Variants in CAMSAP3 observed in about 807,000 individuals in gnomAD.
The protein encoded by CAMSAP3 is calmodulin regulated spectrin associated protein family member 3, also known as calmodulin-regulated spectrin-associated protein 3.
CAMSAP3 carries 34 observed loss-of-function variants against 112.5 expected under a neutral mutation model. That is an observed-to-expected ratio of 0.30 (90% confidence interval 0.23 to 0.40). CAMSAP3 has a LOEUF of 0.40. Among genes scored for constraint, CAMSAP3 ranks in the 10% least tolerant of loss-of-function variants. The pLI, the probability that CAMSAP3 is intolerant of heterozygous loss-of-function variation, is 1.00. For missense variants in CAMSAP3, 1,602 were observed against 1,770.3 expected, an observed-to-expected ratio of 0.90 and a Z score of 1.71; for synonymous variants, 868 against 799.8, an observed-to-expected ratio of 1.09 and a Z score of -1.44.
rs1457310427 is a variant in CAMSAP3 at position 7,595,886 on chromosome 19, G to A, written c.-117G>A. On this transcript the variant is annotated 5_prime_UTR_variant, in exon 1 of 17. Transcript: ENST00000160298. ...CCGCACCTGGCTCAGCAGCGGCGGC[G>A]GCGGCGGCGGCGGCAGCGGCGGTAG... is the stretch of plus-strand genomic sequence containing the variant. 3 of 401,946 alleles carry A rather than the reference G, an allele frequency of 7.5e-6. No homozygotes were observed. Among genetic ancestry groups the A allele is most frequent in the Non-Finnish European group, 1.0e-5 (3 of 298,716 alleles). The allele number at this position is 401,946 out of a possible 1,614,324, so 24.9% of individuals were successfully genotyped here.
In CAMSAP3 at chr19:7,615,466, C is replaced by G; in HGVS notation, c.2859C>G (p.Val953=). 6.5e-7 allele frequency: 1 copy of G among 1,541,166 alleles called. No individual in the cohort carries two copies. The highest frequency in any genetic ancestry group is 1.2e-5 in the South Asian group (1 of 83,940). The change falls in exon 13 of 17, where the codon GTC becomes GTG. Residue 953 remains valine (V), a synonymous_variant. Coordinates refer to ENST00000160298, the MANE Select transcript of CAMSAP3 (RefSeq NM_020902.2). The surrounding 1 kb of genome is among the most constrained non-coding windows in gnomAD (Gnocchi z 6.5). ...GCCCAGCCCCGCTTGTGTCCGCAGT[C>G]CCGATGGCGACTCCAGCCCCTGCTG... ...APGPAPLVSA[V]PMATPAPAAR... is the part of the protein sequence containing the mutation.
At position 7,605,490 on chromosome 19, in the gene CAMSAP3, C is replaced by G. The variant is rs776092825; in HGVS notation, c.402+11C>G. On this transcript the variant is annotated intron_variant, in intron 2 of 16. Coordinates refer to ENST00000160298, the MANE Select transcript of CAMSAP3 (RefSeq NM_020902.2). ...CAGCCCATTCTCATGGTAGGCCCCG[C>G]CACTGCCTGTTAGACCACGCCTACC... is the stretch of plus-strand genomic sequence containing the variant. The G allele has an allele frequency of 2.7e-6, 4 of 1,454,722 alleles. No homozygotes were observed. The highest frequency in any genetic ancestry group is 1.8e-4 in the Middle Eastern group (1 of 5,416). The allele number at this position is 1,454,722 out of a possible 1,614,324, so 90.1% of individuals were successfully genotyped here. A position where few individuals can be genotyped will look rare whatever the true frequency, so the allele number is the denominator to read the frequency against.
In CAMSAP3 at chr19:7,607,988, G is replaced by GC; in HGVS notation, c.622-132dup. 1.9e-6 allele frequency: 2 copies of GC among 1,053,824 alleles called. No homozygotes were observed. The highest frequency in any genetic ancestry group is 1.4e-6 in the Non-Finnish European group (1 of 707,856). The allele number at this position is 1,053,824 out of a possible 1,614,324, so 65.3% of individuals were successfully genotyped here. A position where few individuals can be genotyped will look rare whatever the true frequency, so the allele number is the denominator to read the frequency against. On this transcript the variant is annotated intron_variant, in intron 4 of 16. Coordinates refer to ENST00000160298, the MANE Select transcript of CAMSAP3 (RefSeq NM_020902.2). This position sits in a 1 kb window ranked among gnomAD's most constrained non-coding sequence, Gnocchi z 4.9. Reference sequence around the variant, plus strand: ...GCTGCCCCTCCCCTGCTCCAGGCTGGCCCCCCAACTCTGTCTCTGGGACCC... The same window carrying GC: ...GCTGCCCCTCCCCTGCTCCAGGCTGGCCCCCCCAACTCTGTCTCTGGGACCC...
chr19:7,599,839 C>T, intron 1 of CAMSAP3, among the ~76,000 whole-genome samples: 1 of 42,992 alleles, frequency 2.3e-5, no homozygotes, highest in East Asian at 7.1e-4. Flanking sequence ...ATCCACCCAC[C>T]CACCTACCCA....
Position 7,607,119 on chromosome 19 carries a change from C to T in CAMSAP3, c.621+548C>T, listed in dbSNP as rs182748731. ...CCCATTAATGAAGAGGGTGGGACCC[C>T]CTGAACCTGTCCCCCTTAGCCGAGG... is the stretch of plus-strand genomic sequence containing the variant. On this transcript the variant is annotated intron_variant, in intron 4 of 16. Transcript: ENST00000160298. This position sits in a 1 kb window ranked among gnomAD's most constrained non-coding sequence, Gnocchi z 4.9. 2.0e-5 allele frequency among the ~76,000 whole-genome samples: 3 copies of T among 152,254 alleles called. No individual in the cohort carries two copies. The highest frequency in any genetic ancestry group is 2.9e-5 in the Non-Finnish European group (2 of 68,016).
rs1029204572 is a variant in CAMSAP3, at chr19:7,615,460, C to G, written c.2853C>G (p.Ser951=). ...CCCCGGGCCCAGCCCCGCTTGTGTC[C>G]GCAGTCCCGATGGCGACTCCAGCCC... is the stretch of plus-strand genomic sequence containing the variant. ...EEAPGPAPLV[S]AVPMATPAPA... Residue 951 remains serine (S), a synonymous_variant, in exon 13 of 17, where the codon TCC becomes TCG. Transcript: ENST00000160298. The surrounding 1 kb of genome is among the most constrained non-coding windows in gnomAD (Gnocchi z 6.5). 3 of 1,541,214 alleles carry G rather than the reference C, an allele frequency of 1.9e-6. No homozygotes were observed. Among genetic ancestry groups the G allele is most frequent in the Non-Finnish European group, 2.6e-6 (3 of 1,146,236 alleles).
chr19:7,601,937 G>A (rs1489989809), intron 1 of CAMSAP3, among the ~76,000 whole-genome samples: 6 of 151,808 alleles, frequency 4.0e-5, no homozygotes, highest in Non-Finnish European at 5.9e-5. Context: ...GGTGGTGCAC[G>A]CCTGTAGTCC....
rs2030152527 is a variant in CAMSAP3, at chr19:7,605,273, G to A, written c.196G>A (p.Ala66Thr). Residue 66 changes from alanine to threonine, a missense_variant, in exon 2 of 17, where the codon GCG becomes ACG. Physicochemically the swap from Ala to Thr is moderately conservative, Grantham distance 58. Around this residue, in one of 6 missense-constraint regions of CAMSAP3, gnomAD observed 147 missense variants for 144.6 expected, o/e 1.02. Coordinates refer to ENST00000160298, the MANE Select transcript of CAMSAP3 (RefSeq NM_020902.2). ...GGAGCCCTTCTATACCGACCAGTAC[G>A]CGCAGGAGCATGTGAAGCCCCCGGT... is the stretch of plus-strand genomic sequence containing the variant. ...LWEPFYTDQYAQEHVKPPVTR... is the reference protein window; with the variant it reads ...LWEPFYTDQYTQEHVKPPVTR... The A allele has an allele frequency of 1.2e-6, 2 of 1,610,060 alleles. No individual in the cohort carries two copies. Among genetic ancestry groups the A allele is most frequent in the East Asian group, 2.2e-5 (1 of 44,626 alleles).
In CAMSAP3 at chr19:7,613,053, C is replaced by T. The variant is rs2030593957; in HGVS notation, c.2560C>T (p.Pro854Ser). The change falls in exon 11 of 17, where the codon CCC becomes TCC. Residue 854 changes from proline to serine, a missense_variant. Around this residue, in one of 6 missense-constraint regions of CAMSAP3, gnomAD observed 1,100 missense variants for 1,135.7 expected, o/e 0.97. Transcript: ENST00000160298. Reference protein sequence around the residue: ...IEIPLGSLADPAAEDEGDGSP... With the variant: ...IEIPLGSLADSAAEDEGDGSP... The stretch of plus-strand genomic sequence containing the variant: ...GATCCCGCTGGGCAGCCTGGCAGAT[C>T]CCGCCGCCGAGGACGAGGGAGACGG... 1 of 1,549,728 alleles carries T rather than the reference C, an allele frequency of 6.5e-7. No homozygotes were observed.
chr19:7,603,695 T>A lies in CAMSAP3; in HGVS notation c.149-1531T>A, dbSNP rs57041965. ...AGGCTTCCATCTTTATAAAAAAATT[T>A]AAAAATTGGCTGGGTGTGGTGGCAC... On this transcript the variant is annotated intron_variant, in intron 1 of 16. Transcript: ENST00000160298. 0.036 allele frequency among the ~76,000 whole-genome samples: 5,432 copies of A among 152,018 alleles called. 469 individuals carry two copies. In the East Asian group the frequency reaches 0.37, roughly 10 times the overall value.
Position 7,615,862 on chromosome 19 carries a change from T to A in CAMSAP3, c.3112+143T>A. ...CGGGTATGTGGGGTGACAGGGGGCC[T>A]CAGGTGGGGTTGGACACTGTCTCTT... On this transcript the variant is annotated intron_variant, in intron 13 of 16. Coordinates refer to ENST00000160298, the MANE Select transcript of CAMSAP3 (RefSeq NM_020902.2). The surrounding 1 kb of genome is among the most constrained non-coding windows in gnomAD (Gnocchi z 6.5). The A allele has an allele frequency of 1.6e-6, 1 of 617,530 alleles. No homozygotes were observed. The highest frequency in any genetic ancestry group is 2.4e-6 in the Non-Finnish European group (1 of 408,636). 38.3% of individuals were successfully genotyped at this position (617,530 alleles called of 1,614,324 possible).
At position 7,611,462 on chromosome 19, in the gene CAMSAP3, G is replaced by C; in HGVS notation, c.1124-55G>C. On this transcript the variant is annotated intron_variant, in intron 9 of 16. Coordinates refer to ENST00000160298, the MANE Select transcript of CAMSAP3 (RefSeq NM_020902.2). This position sits in a 1 kb window ranked among gnomAD's most constrained non-coding sequence, Gnocchi z 6.9. ...CAGAGGTTGTCCCCAGATGCTGGCT[G>C]ACCCCACTCAGGGTTCCCAGGGTCC... is the stretch of plus-strand genomic sequence containing the variant. The C allele has an allele frequency of 3.9e-6, 6 of 1,519,854 alleles. No homozygotes were observed. Among genetic ancestry groups the C allele is most frequent in the Non-Finnish European group, 5.3e-6 (6 of 1,124,190 alleles). 94.1% of individuals were successfully genotyped at this position (1,519,854 alleles called of 1,614,324 possible). A position where few individuals can be genotyped will look rare whatever the true frequency, so the allele number is the denominator to read the frequency against.
intron 1 of CAMSAP3, among the ~76,000 whole-genome samples, chr19:7,602,898 G>T (rs539103393): frequency 4.1e-4 from 62 of 151,886 alleles, no homozygotes; most frequent in East Asian, 3.7e-3. Flanking sequence ...AAGCCATGAG[G>T]GCAGCATCGA....
Position 7,618,212 on chromosome 19 carries a change from G to T in CAMSAP3, c.*155G>T, listed in dbSNP as rs1448799455. Reference sequence around the variant, plus strand: ...CTGACTTTGAGTCCAGTCCTGCTGTGGGGGCTGAGCTGGGAGGTTCAGGGA... The same window carrying T: ...CTGACTTTGAGTCCAGTCCTGCTGTTGGGGCTGAGCTGGGAGGTTCAGGGA... On this transcript the variant is annotated 3_prime_UTR_variant, in exon 17 of 17. Coordinates refer to ENST00000160298, the MANE Select transcript of CAMSAP3 (RefSeq NM_020902.2). The T allele has an allele frequency of 5.0e-6, 4 of 804,778 alleles. No individual in the cohort carries two copies. The highest frequency in any genetic ancestry group is 1.7e-5 in the African/African-American group (1 of 57,538). The allele number at this position is 804,778 out of a possible 1,614,324, so 49.9% of individuals were successfully genotyped here.
In CAMSAP3 at chr19:7,618,085, C is replaced by T. The variant is rs748979785; in HGVS notation, c.*28C>T. On this transcript the variant is annotated 3_prime_UTR_variant, in exon 17 of 17. Coordinates refer to ENST00000160298, the MANE Select transcript of CAMSAP3 (RefSeq NM_020902.2). The stretch of plus-strand genomic sequence containing the variant: ...CCACCCGGGCGGTCCACGGGCCGGG[C>T]CCTGTGTGCTGCGGCCGCCATCCCC... 6.3e-7 allele frequency: 1 copy of T among 1,593,768 alleles called. No individual in the cohort carries two copies.
At position 7,613,077 on chromosome 19, in the gene CAMSAP3, G is replaced by C. The variant is rs902868104; in HGVS notation, c.2584G>C (p.Gly862Arg). 5 of 1,547,452 alleles carry C rather than the reference G, an allele frequency of 3.2e-6. No individual in the cohort carries two copies. The highest frequency in any genetic ancestry group is 4.4e-6 in the Non-Finnish European group (5 of 1,146,636). ...ADPAAEDEGD[G>R]SPAGAEDSLE... Reference sequence around the variant, plus strand: ...TCCCGCCGCCGAGGACGAGGGAGACGGGAGCCCCGCTGGTGCTGAGGATTC... The same window carrying C: ...TCCCGCCGCCGAGGACGAGGGAGACCGGAGCCCCGCTGGTGCTGAGGATTC... Residue 862 changes from glycine to arginine, a missense_variant, in exon 11 of 17, where the codon GGG (glycine) becomes CGG (arginine). Gly to Arg is a moderately radical substitution (Grantham distance 125). This residue lies in a region of CAMSAP3 where 1,100 missense variants were observed against 1,135.7 expected (regional missense o/e 0.97). Coordinates refer to ENST00000160298, the MANE Select transcript of CAMSAP3 (RefSeq NM_020902.2).
At position 7,612,653 on chromosome 19, in the gene CAMSAP3, C is replaced by A. The variant is rs1047828453; in HGVS notation, c.2160C>A (p.Leu720=). 12 of 1,513,962 alleles carry A rather than the reference C, an allele frequency of 7.9e-6. No homozygotes were observed. The highest frequency in any genetic ancestry group is 1.1e-5 in the Non-Finnish European group (12 of 1,132,268). 93.8% of individuals were successfully genotyped at this position (1,513,962 alleles called of 1,614,324 possible). A position where few individuals can be genotyped will look rare whatever the true frequency, so the allele number is the denominator to read the frequency against. Residue 720 remains leucine (L), a synonymous_variant, in exon 11 of 17, where the codon CTC becomes CTA. Coordinates refer to ENST00000160298, the MANE Select transcript of CAMSAP3 (RefSeq NM_020902.2). ...LSSLQRDMQR[L]TDQQQRLLAP... ...CGCTGCAGCGGGACATGCAGAGGCT[C>A]ACGGACCAGCAGCAGCGGCTCCTGG...
chr19:7,595,877 AGCG>A lies in CAMSAP3; in HGVS notation c.-105_-103del, dbSNP rs539455375. Reference sequence around the variant, plus strand: ...CGCAAGCGGCCGCACCTGGCTCAGCAGCGGCGGCGGCGGCGGCGGCGGCAGCGG... The same window carrying A: ...CGCAAGCGGCCGCACCTGGCTCAGCAGCGGCGGCGGCGGCGGCGGCAGCGG... On this transcript the variant is annotated 5_prime_UTR_variant, in exon 1 of 17. Transcript: ENST00000160298. 107,555 of 278,722 alleles carry A rather than the reference AGCG, an allele frequency of 0.39. 25,541 individuals carry two copies. The highest frequency in any genetic ancestry group is 0.56 in the South Asian group (4,401 of 7,828). 17.3% of individuals were successfully genotyped at this position (278,722 alleles called of 1,614,324 possible).
At chr19:7,598,959 G>A (rs1051954074) in intron 1 of CAMSAP3, among the ~76,000 whole-genome samples, 1 of 152,020 alleles carries the variant, frequency 6.6e-6, no homozygotes, top group African/African-American at 2.4e-5. Flanking sequence ...TGTACAAGGG[G>A]TATAATAATA....
Sources: gnomAD v4.1 joint callset for allele counts (sites outside exome capture counted in the v4.1 genomes callset) on GRCh38, gnomAD v4.1.1 for gene constraint, gnomAD v4.1.1 regional missense constraint, Gnocchi (gnomAD v3.1) non-coding constraint, MANE v1.5 for transcripts, NCBI Gene and HGNC (gene_info 2026-07-23, HGNC 2026-07-21) for gene names.